GPR21: variants seen among roughly 807,000 people sequenced by gnomAD.
The protein encoded by GPR21 is G protein-coupled receptor 21.
A neutral mutation model predicts 21.5 loss-of-function variants in GPR21; 9 were observed. The observed-to-expected ratio is 0.42, with a 90% CI of 0.25 to 0.73. The LOEUF is 0.73. Ranked by LOEUF, GPR21 falls within the 30% of genes least tolerant of loss-of-function variation. GPR21 has a pLI of 0.27. For synonymous variants in GPR21, 169 were observed against 159.3 expected (o/e 1.06, Z -0.46); for missense variants, 416 against 428.9 (o/e 0.97, Z 0.27).
the GPR21 span, among the ~76,000 whole-genome samples, chr9:123,045,704 A>G: frequency 6.6e-5 from 10 of 152,266 alleles, no homozygotes; most frequent in African/African-American, 2.2e-4. Flanking sequence ...TAAAGTTGTC[A>G]CTGTGATTAC....
chr9:123,034,110 G>A (rs116114874), intron 1 of GPR21, 61 bp from the exon 2 acceptor site: 2,635 of 167,882 alleles, frequency 0.016, 83 homozygotes, highest in African/African-American at 0.06. Flanking sequence ...GAGCTAGCCA[G>A]GTTCTTTGAT....
Position 123,034,807 on chromosome 9 carries a change from A to T in GPR21, c.241A>T (p.Ser81Cys). The change falls in exon 2 of 2, where the codon AGC becomes TGC. Residue 81 changes from serine to cysteine, a missense_variant. Ser to Cys is a moderately radical substitution (Grantham distance 112, BLOSUM62 -1). Transcript: ENST00000616002. ...ATATGCTGACCTTTTTGTTGGGGTG[A>T]GCTGCGTGGTCCCTTCTTTATCACT... is the stretch of plus-strand genomic sequence containing the variant. ...MAYADLFVGV[S>C]CVVPSLSLLH... The T allele has an allele frequency of 6.2e-7, 1 of 1,613,904 alleles. No individual in the cohort carries two copies. The highest frequency in any genetic ancestry group is 8.5e-7 in the Non-Finnish European group (1 of 1,179,864).
At chr9:123,048,321 A>G in the GPR21 span, among the ~76,000 whole-genome samples, 3 of 152,326 alleles carry the variant, frequency 2.0e-5, no homozygotes, top group South Asian at 6.2e-4. Context: ...CTAACTTTGT[A>G]AAGTAAAACT....
the GPR21 span, among the ~76,000 whole-genome samples, chr9:123,042,803 T>TA: frequency 6.6e-6 from 1 of 152,318 alleles, no homozygotes; most frequent in East Asian, 1.9e-4. Context: ...TGCTGAAAGA[T>TA]ACGTGTTTTC....
Position 123,035,638 on chromosome 9 carries a change from C to A in GPR21, c.*22C>A. On this transcript the variant is annotated 3_prime_UTR_variant, in exon 2 of 2. Coordinates refer to ENST00000616002, the MANE Select transcript of GPR21 (RefSeq NM_005294.3). ...CTGAAGTGGCTCAGTTACGGGGTTC[C>A]CGTGTGTGTGTGTGTGTGTGTGTGT... 1 of 1,159,200 alleles carries A rather than the reference C, an allele frequency of 8.6e-7. No individual in the cohort carries two copies. Among genetic ancestry groups the A allele is most frequent in the Non-Finnish European group, 1.2e-6 (1 of 819,100 alleles). The allele number at this position is 1,159,200 out of a possible 1,614,324, so 71.8% of individuals were successfully genotyped here. A position where few individuals can be genotyped will look rare whatever the true frequency, so the allele number is the denominator to read the frequency against.
chr9:123,048,696 C>T, the GPR21 span, among the ~76,000 whole-genome samples: 7 of 152,168 alleles, frequency 4.6e-5, no homozygotes, highest in African/African-American at 1.7e-4. Context: ...TCTTAGTTCA[C>T]CCATAAATTA....
rs1293768671 is a variant in GPR21, at chr9:123,034,995, C to T, written c.429C>T (p.Pro143=). The change falls in exon 2 of 2, where the codon CCC becomes CCT. Residue 143 remains proline (P), a synonymous_variant. Transcript: ENST00000616002. The part of the protein sequence containing the change: ...KPLTYNTLVT[P]WRLRLCIFLI... Reference sequence around the variant, plus strand: ...TAACCTATAATACTCTGGTTACACCCTGGAGACTACGCCTGTGTATTTTCC... The same window carrying T: ...TAACCTATAATACTCTGGTTACACCTTGGAGACTACGCCTGTGTATTTTCC... 7 of 1,613,624 alleles carry T rather than the reference C, an allele frequency of 4.3e-6. No homozygotes were observed. The highest frequency in any genetic ancestry group is 5.9e-6 in the Non-Finnish European group (7 of 1,179,526).
the GPR21 span, among the ~76,000 whole-genome samples, chr9:123,041,143 G>A: frequency 6.6e-6 from 1 of 152,128 alleles, no homozygotes; most frequent in Non-Finnish European, 1.5e-5. Flanking sequence ...TGTTTCAGGA[G>A]AATTTTATAA....
At chr9:123,041,737 T>C in the GPR21 span, among the ~76,000 whole-genome samples, 2 of 152,138 alleles carry the variant, frequency 1.3e-5, no homozygotes, top group African/African-American at 4.8e-5. Flanking sequence ...TAAAGTCAAA[T>C]GAGGAAGAGG....
At chr9:123,038,093 G>A (rs1439708815), downstream of GPR21, among the ~76,000 whole-genome samples, 1 of 152,082 alleles carries the variant, frequency 6.6e-6, no homozygotes, top group African/African-American at 2.4e-5. Flanking sequence ...TTTTAATGCA[G>A]TGATTTCAGT....
chr9:123,046,298 G>A, the GPR21 span, among the ~76,000 whole-genome samples: 1 of 152,176 alleles, frequency 6.6e-6, no homozygotes, highest in Non-Finnish European at 1.5e-5. Flanking sequence ...GGCTGAAGCG[G>A]TAAAGAGGGG....
At chr9:123,046,884 A>G in the GPR21 span, among the ~76,000 whole-genome samples, 5 of 152,344 alleles carry the variant, frequency 3.3e-5, no homozygotes, top group Non-Finnish European at 7.3e-5. Flanking sequence ...GACAGAGCTT[A>G]GAAGATCCCT....
chr9:123,044,155 G>A, the GPR21 span, among the ~76,000 whole-genome samples: 2 of 151,920 alleles, frequency 1.3e-5, no homozygotes, highest in East Asian at 3.9e-4. Context: ...CGCCCATCTC[G>A]GCCTCCCAAA....
the GPR21 span, among the ~76,000 whole-genome samples, chr9:123,045,040 G>C: frequency 6.6e-6 from 1 of 152,182 alleles, no homozygotes; most frequent in Non-Finnish European, 1.5e-5. Context: ...TATTATGATT[G>C]TAGTTACTTA....
At chr9:123,048,018 G>A in the GPR21 span, among the ~76,000 whole-genome samples, 1 of 135,558 alleles carries the variant, frequency 7.4e-6, no homozygotes, top group South Asian at 2.5e-4. Flanking sequence ...GGCCCACTGC[G>A]AACCTCCGCC....
the GPR21 span, among the ~76,000 whole-genome samples, chr9:123,044,363 G>A: frequency 3.9e-5 from 6 of 152,174 alleles, no homozygotes; most frequent in South Asian, 1.2e-3. Flanking sequence ...TCTTTACAAA[G>A]CCATTTCCTA....
the GPR21 span, among the ~76,000 whole-genome samples, chr9:123,044,357 T>C: frequency 6.6e-6 from 1 of 152,216 alleles, no homozygotes; most frequent in Admixed American, 6.5e-5. Flanking sequence ...TATGGTTCTT[T>C]ACAAAGCCAT....
downstream of GPR21, among the ~76,000 whole-genome samples, chr9:123,036,844 G>GA (rs1233266182): frequency 1.3e-5 from 2 of 150,764 alleles, no homozygotes; most frequent in East Asian, 3.9e-4. Flanking sequence ...CAAAGTACTA[G>GA]AAAAACCTAT....
chr9:123,045,718 G>A, the GPR21 span, among the ~76,000 whole-genome samples: 11 of 152,162 alleles, frequency 7.2e-5, no homozygotes, highest in African/African-American at 1.9e-4. Context: ...TGATTACTTC[G>A]TACTCTTGGA....
Sources: allele counts gnomAD v4.1 joint callset (sites outside exome capture counted in the v4.1 genomes callset), GRCh38; gene constraint gnomAD v4.1.1; transcripts MANE v1.5; gene names NCBI Gene and HGNC (gene_info 2026-07-23, HGNC 2026-07-21).